DLGAP2: variants seen among roughly 807,000 people sequenced by gnomAD.
DLGAP2 encodes DLG associated protein 2.
DLGAP2 carries 26 observed loss-of-function variants against 100.3 expected under a neutral mutation model. The ratio of observed to expected loss-of-function variants is 0.26; its 90% CI spans 0.19 to 0.36. DLGAP2 has a LOEUF of 0.36. Ranked by LOEUF, DLGAP2 falls within the 10% of genes least tolerant of loss-of-function variation. The pLI, the probability that DLGAP2 is intolerant of heterozygous loss-of-function variation, is 1.00. For missense variants in DLGAP2, 1,858 were observed against 1,453.2 expected (o/e 1.28, Z -4.53); for synonymous variants, 886 against 630.1 (o/e 1.41, Z -6.08).
chr8:1,475,835 A>T (rs1217611097), intron 3 of DLGAP2, among the ~76,000 whole-genome samples: 1 of 152,198 alleles, frequency 6.6e-6, no homozygotes, highest in Non-Finnish European at 1.5e-5. Flanking sequence ...TTGTAACCAA[A>T]TGGAAAGGTT....
intron 1 of DLGAP2, among the ~76,000 whole-genome samples, chr8:778,629 G>T (rs563387750): frequency 7.2e-5 from 11 of 152,324 alleles, no homozygotes; most frequent in South Asian, 2.1e-4. Context: ...CCCTGTTGGG[G>T]GGTGCCTCCC....
intron 6 of DLGAP2, among the ~76,000 whole-genome samples, chr8:1,588,857 G>C (rs1317930594): frequency 2.0e-5 from 3 of 152,124 alleles, no homozygotes. Flanking sequence ...GGGAGGTGGA[G>C]GTTGCATTGA....
At chr8:1,370,527 C>T (rs12114124) in intron 3 of DLGAP2, among the ~76,000 whole-genome samples, 34,009 of 152,118 alleles carry the variant, frequency 0.22, 4,199 homozygotes, top group East Asian at 0.49. Flanking sequence ...AGTCACATTT[C>T]TTTTGTGTTT....
intron 3 of DLGAP2, chr8:1,373,933 A>C (rs577644096): frequency 6.6e-6 from 1 of 152,610 alleles, no homozygotes; most frequent in East Asian, 1.9e-4. Flanking sequence ...TGTTTGAAAA[A>C]AGTTATCCCA....
chr8:1,243,338 G>A (rs975598538), intron 2 of DLGAP2, among the ~76,000 whole-genome samples: 3 of 152,152 alleles, frequency 2.0e-5, no homozygotes, highest in African/African-American at 7.2e-5. Context: ...TGGCACCTCA[G>A]TAAAGCTGCC....
rs375286090 is a variant in DLGAP2, at chr8:1,626,780, C to G, written c.1483C>G (p.His495Asp). The change falls in exon 7 of 15, where the codon CAC (histidine) becomes GAC (aspartate). Residue 495 changes from histidine (H) to aspartate (D), a missense_variant. Transcript: ENST00000637795. ...AGCTGCAAGCGATGTGCCTGTGGGA[C>G]ACAGCCTGGACCCCGCTGCGAACTA... Reference protein sequence around the residue: ...LQAASDVPVGHSLDPAANYNS... With the variant: ...LQAASDVPVGDSLDPAANYNS... 3.1e-6 allele frequency: 5 copies of G among 1,604,008 alleles called. No homozygotes were observed. In the African/African-American group the frequency reaches 6.7e-5, roughly 21 times the overall value.
chr8:1,263,954 C>G (rs1799401292), intron 3 of DLGAP2, among the ~76,000 whole-genome samples: 1 of 152,138 alleles, frequency 6.6e-6, no homozygotes, highest in African/African-American at 2.4e-5. Flanking sequence ...ACAGACTCAG[C>G]TCTAGCCAGT....
intron 1 of DLGAP2, among the ~76,000 whole-genome samples, chr8:850,434 C>G (rs1797164519): frequency 1.3e-5 from 2 of 152,118 alleles, no homozygotes; most frequent in Non-Finnish European, 2.9e-5. Flanking sequence ...AAAAAATCAT[C>G]AAATTTGCTT....
At chr8:1,122,005 T>C (rs1333962296) in intron 2 of DLGAP2, among the ~76,000 whole-genome samples, 1 of 152,228 alleles carries the variant, frequency 6.6e-6, no homozygotes, top group Non-Finnish European at 1.5e-5. Flanking sequence ...CAGAATTTCA[T>C]TTAATGGGAG....
chr8:1,665,741 C>T (rs550214844), intron 8 of DLGAP2, among the ~76,000 whole-genome samples: 14 of 152,360 alleles, frequency 9.2e-5, no homozygotes, highest in African/African-American at 2.2e-4. Flanking sequence ...CAGCGGACAC[C>T]GGGCCTGCCT....
chr8:931,209 C>T lies in DLGAP2; in HGVS notation c.73+23243C>T, dbSNP rs760451162. 2.6e-5 allele frequency among the ~76,000 whole-genome samples: 4 copies of T among 152,238 alleles called. No individual in the cohort carries two copies. The South Asian group carries it at 6.2e-4, about 24-fold the overall frequency. On this transcript the variant is annotated intron_variant, in intron 2 of 14. Transcript: ENST00000637795. ...TCCTGGATCTTGGTCCTGGGACAGGCGGGTGTCTGAGGGCTGAGGAGCAGC... is the reference window on the plus strand; with the variant it reads ...TCCTGGATCTTGGTCCTGGGACAGGTGGGTGTCTGAGGGCTGAGGAGCAGC...
At chr8:1,287,510 G>T in intron 3 of DLGAP2, among the ~76,000 whole-genome samples, 1 of 101,108 alleles carries the variant, frequency 9.9e-6, no homozygotes. Context: ...CTGTTAGGAG[G>T]GGAACTAGTT....
chr8:1,090,252 A>C (rs1376930512), intron 2 of DLGAP2, among the ~76,000 whole-genome samples: 2 of 150,738 alleles, frequency 1.3e-5, no homozygotes, highest in East Asian at 3.9e-4. Context: ...TCACACCCCG[A>C]GGACCTGCTG....
intron 3 of DLGAP2, among the ~76,000 whole-genome samples, chr8:1,261,496 A>G (rs1799348841): frequency 7.1e-6 from 1 of 141,700 alleles, no homozygotes; most frequent in African/African-American, 2.6e-5. Flanking sequence ...CCAAATAAGA[A>G]GACTCCCCCT....
chr8:1,411,962 C>A (rs145999579), intron 3 of DLGAP2, among the ~76,000 whole-genome samples: 1 of 152,148 alleles, frequency 6.6e-6, no homozygotes, highest in Non-Finnish European at 1.5e-5. Flanking sequence ...GACACATGCT[C>A]CGAAAACCTA....
At chr8:1,495,519 T>G (rs910109934) in intron 3 of DLGAP2, among the ~76,000 whole-genome samples, 1 of 152,186 alleles carries the variant, frequency 6.6e-6, no homozygotes, top group African/African-American at 2.4e-5. Flanking sequence ...ATGTGGTGGG[T>G]GAGCCAGGAC....
chr8:1,293,171 C>A (rs1461336944), intron 3 of DLGAP2, among the ~76,000 whole-genome samples: 1 of 152,202 alleles, frequency 6.6e-6, no homozygotes, highest in Non-Finnish European at 1.5e-5. Flanking sequence ...CTCTCTGTCT[C>A]TGTCTTCCTC....
At chr8:975,510 G>T (rs73673040) in intron 2 of DLGAP2, among the ~76,000 whole-genome samples, 3,403 of 152,160 alleles carry the variant, frequency 0.022, 124 homozygotes, top group African/African-American at 0.076. Context: ...AAAGTATGAG[G>T]GAATCAAATC....
intron 3 of DLGAP2, among the ~76,000 whole-genome samples, chr8:1,326,412 G>T (rs1328650406): frequency 1.3e-5 from 2 of 152,178 alleles, no homozygotes; most frequent in Non-Finnish European, 2.9e-5. Context: ...ACTCACTGAT[G>T]AGCAAGGAAG....
Sources: gnomAD v4.1 joint callset for allele counts (sites outside exome capture counted in the v4.1 genomes callset) on GRCh38, gnomAD v4.1.1 for gene constraint, MANE v1.5 for transcripts, NCBI Gene and HGNC (gene_info 2026-07-23, HGNC 2026-07-21) for gene names.